The following CYP3A5 variants were observed in gnomAD, a reference collection of about 807,000 sequenced individuals.
CYP3A5 encodes the protein cytochrome P450 3A5.
In CYP3A5, 51 loss-of-function variants were observed where a neutral mutation model predicts 55.9. That is an observed-to-expected ratio of 0.91 (90% CI 0.73 to 1.15). The LOEUF is 1.15. CYP3A5 is among the 50% of genes most tolerant of loss of function. The probability of loss-of-function intolerance (pLI) is 0.00; values close to 1 mark genes in which losing one functional copy is unlikely to be tolerated. For synonymous variants in CYP3A5, 196 were observed against 213.9 expected (o/e 0.92, Z 0.73); for missense variants, 533 against 596.6 (o/e 0.89, Z 1.11).
chr7:99,676,319 GATAA>G, intron 1 of CYP3A5, 111 bp from the exon 2 acceptor site: 1 of 1,569,274 alleles, frequency 6.4e-7, no homozygotes, highest in Non-Finnish European at 8.7e-7. Flanking sequence ...ATATGTACAC[GATAA>G]ATAATAACAG....
intron 10 of CYP3A5, chr7:99,658,853 C>G (rs1810067108): frequency 6.6e-6 from 1 of 152,202 alleles, no homozygotes; most frequent in Admixed American, 6.5e-5. Flanking sequence ...CACTGATACC[C>G]TTTCTTCCAG....
At chr7:99,673,403 T>G (rs1266180636) in intron 3 of CYP3A5, among the ~76,000 whole-genome samples, 1 of 152,240 alleles carries the variant, frequency 6.6e-6, no homozygotes, top group Admixed American at 6.5e-5. Flanking sequence ...GAGACCACCT[T>G]ATAAAATCAC....
At chr7:99,676,032 C>T (rs1415501091) in intron 2 of CYP3A5, 83 bp downstream of exon 2, 1 of 1,230,044 alleles carries the variant, frequency 8.1e-7, no homozygotes, top group South Asian at 1.2e-5. Flanking sequence ...AGAACTCCCT[C>T]CCAAGGAGGG....
rs187576937 is a variant in CYP3A5, at chr7:99,665,940, C to A, written c.522-626G>T. Among the ~76,000 whole-genome samples, 6 of 152,298 alleles carry A rather than the reference C, an allele frequency of 3.9e-5. No individual in the cohort carries two copies. In the East Asian group the frequency reaches 1.2e-3, roughly 29 times the overall value. ...AATGTTCTGGTTAAAAAAAATAGAT[C>A]TCTCCAACATTGATTTGGAGAACCC... On this transcript the variant is annotated intron_variant, in intron 6 of 12. Coordinates refer to ENST00000222982, the MANE Select transcript of CYP3A5 (RefSeq NM_000777.5).
In CYP3A5 at chr7:99,650,057, C is replaced by G; in HGVS notation, c.1413+16G>C. ...TTAAAAAAATTCTTAATAAAACATA[C>G]AGAAAGTGTACTGACCTGTGTTTCT... On this transcript the variant is annotated intron_variant, in intron 12 of 12. Transcript: ENST00000222982. 3 of 1,613,370 alleles carry G rather than the reference C, an allele frequency of 1.9e-6. No individual in the cohort carries two copies. The South Asian group carries it at 3.3e-5, about 18-fold the overall frequency.
rs1464832216 is a variant in CYP3A5, at chr7:99,650,063, G to A, written c.1413+10C>T. ...AAATTCTTAATAAAACATACAGAAA[G>A]TGTACTGACCTGTGTTTCTTTACAA... On this transcript the variant is annotated intron_variant, in intron 12 of 12. Transcript: ENST00000222982. 6.2e-7 allele frequency: 1 copy of A among 1,613,724 alleles called. No homozygotes were observed. The highest frequency in any genetic ancestry group is 2.2e-5 in the East Asian group (1 of 44,884).
chr7:99,662,666 T>G lies in CYP3A5; in HGVS notation c.865+150A>C. ...TACCTGTGGGCTTCTGGAAAGTGCC[T>G]CCAGCTACCATTTATAACATCTAAA... On this transcript the variant is annotated intron_variant, in intron 9 of 12. Coordinates refer to ENST00000222982, the MANE Select transcript of CYP3A5 (RefSeq NM_000777.5). The surrounding 1 kb of genome is among the most constrained non-coding windows in gnomAD (Gnocchi z 4.3). 2 of 730,742 alleles carry G rather than the reference T, an allele frequency of 2.7e-6. No homozygotes were observed. Among genetic ancestry groups the G allele is most frequent in the Non-Finnish European group, 4.5e-6 (2 of 445,676 alleles). The allele number at this position is 730,742 out of a possible 1,614,324, so 45.3% of individuals were successfully genotyped here.
At chr7:99,652,528 G>A in intron 11 of CYP3A5, 25 bp downstream of exon 11, 1 of 1,541,446 alleles carries the variant, frequency 6.5e-7, no homozygotes, top group Non-Finnish European at 8.9e-7. Context: ...GTCAGGGTGA[G>A]CTCCATTTCC....
intron 1 of CYP3A5, chr7:99,676,620 A>G (rs974781599): frequency 4.6e-5 from 56 of 1,225,812 alleles, no homozygotes; most frequent in Non-Finnish European, 6.1e-5. Context: ...TGCACTGATG[A>G]TGAGATTTTG....
rs34318418 is a variant in CYP3A5 at position 99,660,214 on chromosome 7, CTTTTTTTTTTTTTTTTT to C, written c.1026+268_1026+284del. 925 of 429,968 alleles carry C rather than the reference CTTTTTTTTTTTTTTTTT, an allele frequency of 2.2e-3. 6 individuals are homozygous for C. In the African/African-American group the frequency reaches 0.041, roughly 19 times the overall value. 26.6% of individuals were successfully genotyped at this position (429,968 alleles called of 1,614,324 possible). On this transcript the variant is annotated intron_variant, in intron 10 of 12. Coordinates refer to ENST00000222982, the MANE Select transcript of CYP3A5 (RefSeq NM_000777.5). ...GTTTGGCCATCTTCTCGCCACACTCCTTTTTTTTTTTTTTTTTTTTTTTTTTTTTTTACTTAGCATTA... is the reference window on the plus strand; with the variant it reads ...GTTTGGCCATCTTCTCGCCACACTCCTTTTTTTTTTTTTTACTTAGCATTA...
At chr7:99,659,416 G>C (rs1810145169) in intron 10 of CYP3A5, 1 of 155,310 alleles carries the variant, frequency 6.4e-6, no homozygotes, top group Non-Finnish European at 1.4e-5. Flanking sequence ...AAATGCTGCT[G>C]CCTGATCATT....
intron 1 of CYP3A5, among the ~76,000 whole-genome samples, chr7:99,679,012 T>C (rs772760511): frequency 3.3e-5 from 5 of 152,254 alleles, no homozygotes; most frequent in African/African-American, 7.2e-5. Flanking sequence ...TTGGCTTTCA[T>C]GGCTCCTGCC....
chr7:99,649,978 T>C, intron 12 of CYP3A5, 95 bp downstream of exon 12: 1 of 1,463,946 alleles, frequency 6.8e-7, no homozygotes, highest in Non-Finnish European at 9.3e-7. Flanking sequence ...GCCCATAGAA[T>C]GAATTATTAA....
rs778068095 is a variant in CYP3A5, at chr7:99,676,274, TACTC to T, written c.72-70_72-67del. 11 of 1,607,476 alleles carry T rather than the reference TACTC, an allele frequency of 6.8e-6. No individual in the cohort carries two copies. In the East Asian group the frequency reaches 9.0e-5, roughly 13 times the overall value. ...TTTATAGATCAGAGGGCTGGTGAGT[TACTC>T]AGGAACTGGAATGGTCAAGAGAGGG... is the stretch of plus-strand genomic sequence containing the variant. On this transcript the variant is annotated intron_variant, in intron 1 of 12. Transcript: ENST00000222982.
chr7:99,667,482 A>G (rs1297379928), intron 4 of CYP3A5, among the ~76,000 whole-genome samples: 1 of 152,220 alleles, frequency 6.6e-6, no homozygotes, highest in African/African-American at 2.4e-5. Context: ...CACCTACAGC[A>G]TGGGCAACTT....
intron 4 of CYP3A5, 113 bp downstream of exon 4, chr7:99,672,467 G>T: frequency 1.1e-6 from 1 of 895,844 alleles, no homozygotes; most frequent in Non-Finnish European, 1.8e-6. Context: ...AAGAGTACAT[G>T]GAACCTTCCT....
chr7:99,659,217 T>A (rs1810118397), intron 10 of CYP3A5: 1 of 152,226 alleles, frequency 6.6e-6, no homozygotes, highest in Non-Finnish European at 1.5e-5. Flanking sequence ...TTTATCTACC[T>A]TTGATCTTTG....
Position 99,660,639 on chromosome 7 carries a change from CGA to C in CYP3A5, c.884_885del (p.Leu295ArgfsTer13). On this transcript the variant is annotated frameshift_variant, in exon 10 of 13. Transcript: ENST00000222982. LOFTEE classifies it high-confidence loss of function. ...AAAATGAAGATTATTGACTGGGCTG[CGA>C]GCTCCAGATCAGACAGAGCTGAAAG... ...ESHKALSDLE[L>X]AAQSIIFIFA... The C allele has an allele frequency of 6.2e-7, 1 of 1,613,566 alleles. No homozygotes were observed. The highest frequency in any genetic ancestry group is 8.5e-7 in the Non-Finnish European group (1 of 1,179,734).
chr7:99,672,431 A>T, intron 4 of CYP3A5, 149 bp downstream of exon 4: 1 of 661,248 alleles, frequency 1.5e-6, no homozygotes, highest in Non-Finnish European at 2.7e-6. Context: ...AGATTGCAAG[A>T]TGTTACCACT....
Sources: allele counts gnomAD v4.1 joint callset (sites outside exome capture counted in the v4.1 genomes callset), GRCh38; gene constraint gnomAD v4.1.1; non-coding constraint Gnocchi (gnomAD v3.1); transcripts MANE v1.5; gene names NCBI Gene and HGNC (gene_info 2026-07-23, HGNC 2026-07-21).